Variants in FRMD4A observed in about 807,000 individuals in gnomAD.
FRMD4A encodes the protein FERM domain containing 4A.
In FRMD4A, 29 loss-of-function variants were observed where a neutral mutation model predicts 129.1. That is an observed-to-expected ratio of 0.22 (90% CI 0.17 to 0.31). FRMD4A has a LOEUF of 0.31. Among genes scored for constraint, FRMD4A ranks in the 10% least tolerant of loss-of-function variants. FRMD4A has a pLI of 1.00. For missense variants in FRMD4A, 1,272 were observed against 1,375.8 expected (o/e 0.92, Z 1.19); for synonymous variants, 634 against 571.6 (o/e 1.11, Z -1.56).
intron 2 of FRMD4A, among the ~76,000 whole-genome samples, chr10:14,196,164 TACAC>T (rs10536108): frequency 0.27 from 39,896 of 149,470 alleles, 5,352 homozygotes; most frequent in East Asian, 0.39. Context: ...TGCACACACA[TACAC>T]ACACACACAC....
chr10:13,949,647 T>C (rs1476977183), intron 2 of FRMD4A, among the ~76,000 whole-genome samples: 3 of 152,254 alleles, frequency 2.0e-5, no homozygotes, highest in Admixed American at 2.0e-4. Context: ...GTAAGACCCT[T>C]TATGACTTAC....
At chr10:13,734,780 G>A (rs2090526211) in intron 12 of FRMD4A, among the ~76,000 whole-genome samples, 2 of 152,124 alleles carry the variant, frequency 1.3e-5, no homozygotes, top group South Asian at 4.1e-4. Context: ...TCATCTCAGT[G>A]CCCAGTGATG....
chr10:13,977,023 A>G (rs1053259450), intron 2 of FRMD4A, among the ~76,000 whole-genome samples: 1 of 152,238 alleles, frequency 6.6e-6, no homozygotes, highest in Non-Finnish European at 1.5e-5. Context: ...TTAACGCCTT[A>G]GCCTAAGTCA....
At chr10:13,968,291 C>A (rs756957309) in intron 2 of FRMD4A, among the ~76,000 whole-genome samples, 1 of 152,204 alleles carries the variant, frequency 6.6e-6, no homozygotes. Context: ...AATGAAGACA[C>A]CGCAAACTAC....
rs779978810 is a variant in FRMD4A, at chr10:13,660,523, G to A, written c.1691C>T (p.Pro564Leu). Residue 564 changes from proline (P) to leucine (L), a missense_variant, in exon 20 of 25, where the codon CCC (proline) becomes CTC (leucine). Coordinates refer to ENST00000357447, the MANE Select transcript of FRMD4A (RefSeq NM_018027.5). ...EDSQVTSTIS[P>L]LHSPHKGLPP... The stretch of plus-strand genomic sequence containing the variant: ...GAGTCCCTTGTGAGGAGAATGTAGG[G>A]GGGATATTGTGCTGGTAACCTGAGA... The A allele has an allele frequency of 3.7e-6, 6 of 1,612,322 alleles. No individual in the cohort carries two copies. Among genetic ancestry groups the A allele is most frequent in the Non-Finnish European group, 5.1e-6 (6 of 1,178,676 alleles).
At chr10:14,215,102 A>G (rs999265760) in intron 2 of FRMD4A, among the ~76,000 whole-genome samples, 1 of 152,244 alleles carries the variant, frequency 6.6e-6, no homozygotes, top group Non-Finnish European at 1.5e-5. Context: ...GCATGAGAGT[A>G]GCCAGTTAAG....
chr10:14,279,346 T>C (rs907450606), intron 2 of FRMD4A, among the ~76,000 whole-genome samples: 3 of 151,804 alleles, frequency 2.0e-5, no homozygotes, highest in East Asian at 1.9e-4. Context: ...ACCACCATAT[T>C]TGGCAAATTT....
At chr10:13,891,435 G>T (rs1397430956) in intron 2 of FRMD4A, among the ~76,000 whole-genome samples, 3 of 151,892 alleles carry the variant, frequency 2.0e-5, no homozygotes, top group Admixed American at 6.6e-5. Context: ...GCAGAAGAAA[G>T]CACAGTATGT....
intron 2 of FRMD4A, among the ~76,000 whole-genome samples, chr10:14,309,910 G>T (rs549313567): frequency 2.0e-5 from 3 of 151,958 alleles, no homozygotes; most frequent in African/African-American, 7.3e-5. Context: ...ATCCCTTCTG[G>T]CCTGAGTCCC....
intron 2 of FRMD4A, among the ~76,000 whole-genome samples, chr10:13,994,800 C>T (rs1294250874): frequency 2.0e-5 from 3 of 152,204 alleles, no homozygotes; most frequent in Admixed American, 6.5e-5. Flanking sequence ...CTGGTTTTCC[C>T]GTGGCACAGC....
chr10:14,270,400 G>A (rs961889559), intron 2 of FRMD4A, among the ~76,000 whole-genome samples: 1 of 152,092 alleles, frequency 6.6e-6, no homozygotes, highest in Non-Finnish European at 1.5e-5. Context: ...TTAGGACAAG[G>A]GCATCTTTGG....
intron 2 of FRMD4A, among the ~76,000 whole-genome samples, chr10:13,900,215 G>T (rs2094803936): frequency 6.6e-6 from 1 of 152,120 alleles, no homozygotes; most frequent in East Asian, 1.9e-4. Flanking sequence ...TAAAACCAGG[G>T]TCCCCGGGGT....
chr10:13,906,804 G>A (rs2094886769), intron 2 of FRMD4A, among the ~76,000 whole-genome samples: 2 of 152,164 alleles, frequency 1.3e-5, no homozygotes, highest in South Asian at 4.1e-4. Flanking sequence ...TTGCCGAGAT[G>A]TTCGCCCTGC....
At chr10:13,830,835 G>T (rs547953533) in intron 3 of FRMD4A, among the ~76,000 whole-genome samples, 5 of 152,254 alleles carry the variant, frequency 3.3e-5, no homozygotes, top group Admixed American at 2.6e-4. Context: ...TGTCACCCAG[G>T]CAGGAGTTCA....
intron 2 of FRMD4A, among the ~76,000 whole-genome samples, chr10:14,131,357 A>G (rs1258472590): frequency 6.6e-6 from 1 of 151,688 alleles, no homozygotes; most frequent in African/African-American, 2.4e-5. Context: ...AGCAAAGCCA[A>G]CCTTCCGGCT....
chr10:13,702,571 C>A (rs1451055714), intron 13 of FRMD4A, among the ~76,000 whole-genome samples: 2 of 150,874 alleles, frequency 1.3e-5, no homozygotes, highest in African/African-American at 4.9e-5. Context: ...TGTGTGTGCG[C>A]ATGCATGTGA....
At chr10:13,935,838 T>C (rs756899182) in intron 2 of FRMD4A, among the ~76,000 whole-genome samples, 11 of 152,196 alleles carry the variant, frequency 7.2e-5, no homozygotes, top group Non-Finnish European at 1.6e-4. Context: ...CCTCAAAACA[T>C]GCCTTCTGCA....
At chr10:14,110,629 TAACAA>T (rs141263753) in intron 2 of FRMD4A, among the ~76,000 whole-genome samples, 1,840 of 150,672 alleles carry the variant, frequency 0.012, 35 homozygotes, top group African/African-American at 0.04. Flanking sequence ...GCTTTCTTGC[TAACAA>T]AACAAAACAA....
intron 2 of FRMD4A, among the ~76,000 whole-genome samples, chr10:14,030,900 C>T (rs1420283234): frequency 3.3e-5 from 5 of 152,214 alleles, no homozygotes; most frequent in Non-Finnish European, 7.3e-5. Context: ...TCTCCAGCCC[C>T]ACCGCAGTCC....
Sources: gnomAD v4.1 joint callset for allele counts (sites outside exome capture counted in the v4.1 genomes callset) on GRCh38, gnomAD v4.1.1 for gene constraint, MANE v1.5 for transcripts, NCBI Gene and HGNC (gene_info 2026-07-23, HGNC 2026-07-21) for gene names.